The following LRRC36 variants were observed in gnomAD, a reference collection of about 807,000 sequenced individuals.
The protein encoded by LRRC36 is leucine rich repeat containing 36.
Under a neutral mutation model 81.1 loss-of-function variants are expected in LRRC36, and 62 were observed. The observed-to-expected ratio is 0.76, with a 90% confidence interval of 0.62 to 0.94. The LOEUF is 0.94. LRRC36 is among the 40% of genes least tolerant of loss of function. The pLI is 0.00. For missense variants in LRRC36, 761 were observed against 881.7 expected, an observed-to-expected ratio of 0.86 and a Z score of 1.73; for synonymous variants, 334 against 348.6, an observed-to-expected ratio of 0.96 and a Z score of 0.47.
At chr16:67,375,482 C>T (rs1162397486) in intron 10 of LRRC36, 70 bp downstream of exon 10, 1 of 1,321,638 alleles carries the variant, frequency 7.6e-7, no homozygotes. Context: ...CTGCTAAAAG[C>T]CACTTAGCTC....
Position 67,382,182 on chromosome 16 carries a change from G to A in LRRC36, c.1980G>A (p.Leu660=), listed in dbSNP as rs765395521. The change falls in exon 13 of 14, where the codon CTG becomes CTA. Residue 660 remains leucine (L), a synonymous_variant. Transcript: ENST00000329956. ...AGCTGACCATGCAGGTGGCTTGCCTGAACCAGGAGCTTGCCCAGCTGAAAA... is the reference window on the plus strand; with the variant it reads ...AGCTGACCATGCAGGTGGCTTGCCTAAACCAGGAGCTTGCCCAGCTGAAAA... ...NQQLTMQVAC[L]NQELAQLKKL... 7 of 1,614,088 alleles carry A rather than the reference G, an allele frequency of 4.3e-6. No individual in the cohort carries two copies. In the East Asian group the frequency reaches 1.6e-4, roughly 36 times the overall value.
chr16:67,382,764 A>AC (rs1444894079), intron 13 of LRRC36, among the ~76,000 whole-genome samples: 1 of 152,192 alleles, frequency 6.6e-6, no homozygotes, highest in Admixed American at 6.5e-5. Flanking sequence ...CAGGTGGATC[A>AC]CGAGGTCAAG....
intron 5 of LRRC36, among the ~76,000 whole-genome samples, chr16:67,353,938 C>A (rs751054979): frequency 6.6e-6 from 1 of 152,108 alleles, no homozygotes; most frequent in Non-Finnish European, 1.5e-5. Flanking sequence ...CAGATTAATT[C>A]TCTTAAAACA....
chr16:67,358,904 T>G (rs1259048789), intron 5 of LRRC36, among the ~76,000 whole-genome samples: 2 of 151,080 alleles, frequency 1.3e-5, no homozygotes, highest in Non-Finnish European at 2.9e-5. Flanking sequence ...GCTGGGAGGG[T>G]GGGAGGAAGG....
At chr16:67,357,835 A>G (rs1041120328) in intron 5 of LRRC36, among the ~76,000 whole-genome samples, 2 of 152,206 alleles carry the variant, frequency 1.3e-5, no homozygotes, top group Admixed American at 1.3e-4. Flanking sequence ...AGCCTCATCC[A>G]GCTGGGATTA....
At chr16:67,332,195 T>C (rs1015040748) in intron 1 of LRRC36, among the ~76,000 whole-genome samples, 1 of 152,096 alleles carries the variant, frequency 6.6e-6, no homozygotes, top group African/African-American at 2.4e-5. Flanking sequence ...AAGATCATTC[T>C]TTTATTCTTG....
chr16:67,338,369 T>C (rs1489329423), intron 1 of LRRC36, among the ~76,000 whole-genome samples: 1 of 152,206 alleles, frequency 6.6e-6, no homozygotes, highest in Non-Finnish European at 1.5e-5. Flanking sequence ...TACCTGCTTC[T>C]GTATTTAATT....
At chr16:67,363,742 G>C (rs375124185) in intron 6 of LRRC36, 28 bp downstream of exon 6, 84 of 1,608,782 alleles carry the variant, frequency 5.2e-5, no homozygotes, top group Non-Finnish European at 7.0e-5. Context: ...CTGCTGATCT[G>C]TTGACTAGTC....
In LRRC36 at chr16:67,376,831, C is replaced by T; in HGVS notation, c.1765C>T (p.Leu589Phe). Residue 589 changes from leucine to phenylalanine, a missense_variant, in exon 11 of 14, where the codon CTT becomes TTT. Coordinates refer to ENST00000329956, the MANE Select transcript of LRRC36 (RefSeq NM_018296.6). ...GATGAAAGCATTCTGCAGGAGGGAG[C>T]TTGAACTGAAGGAGGCTGCGCAGCT... ...DTMKAFCRRE[L>F]ELKEAAQLVP... is the part of the protein sequence containing the mutation. 6.2e-7 allele frequency: 1 copy of T among 1,613,900 alleles called. No homozygotes were observed. The highest frequency in any genetic ancestry group is 8.5e-7 in the Non-Finnish European group (1 of 1,179,788).
intron 5 of LRRC36, among the ~76,000 whole-genome samples, chr16:67,361,340 A>G (rs1479270740): frequency 6.6e-6 from 1 of 152,068 alleles, no homozygotes; most frequent in Non-Finnish European, 1.5e-5. Flanking sequence ...CCTTTGATAG[A>G]ATTGCTGACA....
At chr16:67,383,850 A>G (rs916196186) in intron 13 of LRRC36, among the ~76,000 whole-genome samples, 2 of 151,868 alleles carry the variant, frequency 1.3e-5, no homozygotes, top group African/African-American at 2.4e-5. Flanking sequence ...CCATCCTTCT[A>G]TTGTAGGTGT....
chr16:67,371,300 G>C lies in LRRC36; in HGVS notation c.1494+58G>C, dbSNP rs777115962. 3 of 1,597,652 alleles carry C rather than the reference G, an allele frequency of 1.9e-6. No homozygotes were observed. The Admixed American group carries it at 5.0e-5, about 27-fold the overall frequency. On this transcript the variant is annotated intron_variant, in intron 9 of 13. Coordinates refer to ENST00000329956, the MANE Select transcript of LRRC36 (RefSeq NM_018296.6). The stretch of plus-strand genomic sequence containing the variant: ...AACAGGTCAGGTTCGAGACCAGAAT[G>C]AGGGTTCTGTTGGGAATGGAGGTGG...
At position 67,385,016 on chromosome 16, in the gene LRRC36, C is replaced by T; in HGVS notation, c.2192C>T (p.Ser731Leu). 2 of 1,614,186 alleles carry T rather than the reference C, an allele frequency of 1.2e-6. No individual in the cohort carries two copies. The highest frequency in any genetic ancestry group is 1.7e-6 in the Non-Finnish European group (2 of 1,180,034). Residue 731 changes from serine (S) to leucine (L), a missense_variant, in exon 14 of 14, where the codon TCA becomes TTA. Physicochemically the swap from Ser to Leu is moderately radical, Grantham distance 145. Around this residue, in one of 3 missense-constraint regions of LRRC36, gnomAD observed 359 missense variants for 388.4 expected, o/e 0.92. Coordinates refer to ENST00000329956, the MANE Select transcript of LRRC36 (RefSeq NM_018296.6). ...PFGKSTLSSS[S>L]PVAHETGQYL... ...GGGAAAAGCACGTTGTCTTCCTCCT[C>T]ACCAGTGGCACATGAGACTGGTCAG...
chr16:67,349,046 G>C (rs1280887926), intron 4 of LRRC36, among the ~76,000 whole-genome samples: 2 of 152,062 alleles, frequency 1.3e-5, no homozygotes, highest in Admixed American at 1.3e-4. Context: ...CTCTTCTTTA[G>C]ATAGAAATTG....
At chr16:67,362,913 G>A (rs1218072801) in intron 5 of LRRC36, among the ~76,000 whole-genome samples, 1 of 151,974 alleles carries the variant, frequency 6.6e-6, no homozygotes, top group East Asian at 1.9e-4. Flanking sequence ...GAGTAGCTGG[G>A]ATTATAGGCG....
chr16:67,330,697 A>G (rs1247410646), intron 1 of LRRC36, among the ~76,000 whole-genome samples: 1 of 152,044 alleles, frequency 6.6e-6, no homozygotes, highest in Admixed American at 6.6e-5. Context: ...CCTCATCTGT[A>G]CTAAAAATAC....
intron 12 of LRRC36, among the ~76,000 whole-genome samples, chr16:67,380,522 T>C (rs2040068033): frequency 6.6e-6 from 1 of 152,204 alleles, no homozygotes; most frequent in South Asian, 2.1e-4. Context: ...AAATTATGGG[T>C]ACATGGATTT....
chr16:67,328,971 G>A lies in LRRC36; in HGVS notation c.70+2039G>A, dbSNP rs566356419. On this transcript the variant is annotated intron_variant, in intron 1 of 13. Coordinates refer to ENST00000329956, the MANE Select transcript of LRRC36 (RefSeq NM_018296.6). ...GTCACCCAGGCTCTAGGGCAGTGGC[G>A]TGATCTCGGCTCACTGTAATCTCCA... Among the ~76,000 whole-genome samples the A allele has an allele frequency of 6.6e-5, 10 of 152,136 alleles. No individual in the cohort carries two copies. The South Asian group carries it at 1.5e-3, about 22-fold the overall frequency.
At chr16:67,375,841 A>G (rs1482039050) in intron 10 of LRRC36, among the ~76,000 whole-genome samples, 2 of 152,208 alleles carry the variant, frequency 1.3e-5, no homozygotes, top group East Asian at 1.9e-4. Flanking sequence ...TGAGTAAATG[A>G]CCTGGACTCC....
Sources: allele counts gnomAD v4.1 joint callset (sites outside exome capture counted in the v4.1 genomes callset), GRCh38; gene constraint gnomAD v4.1.1; regional missense constraint gnomAD v4.1.1; transcripts MANE v1.5; gene names NCBI Gene and HGNC (gene_info 2026-07-23, HGNC 2026-07-21).